The following TNKS variants were observed in gnomAD, a reference collection of about 807,000 sequenced individuals.
TNKS encodes the protein poly [ADP-ribose] polymerase tankyrase-1.
A neutral mutation model predicts 135.8 loss-of-function variants in TNKS; 72 were observed. The observed-to-expected ratio is 0.53, with a 90% CI of 0.44 to 0.64. The LOEUF (loss-of-function observed/expected upper bound fraction) is 0.64, where lower values mean the gene tolerates loss of function less well. Ranked by LOEUF, TNKS falls within the 30% of genes least tolerant of loss-of-function variation. The probability of loss-of-function intolerance (pLI) is 0.00; values close to 1 mark genes in which losing one functional copy is unlikely to be tolerated. For synonymous variants in TNKS, 849 were observed against 649.3 expected, an observed-to-expected ratio of 1.31 and a Z score of -4.68; for missense variants, 1,769 against 1,674.0, an observed-to-expected ratio of 1.06 and a Z score of -0.99.
Position 9,659,264 on chromosome 8 carries a change from C to G in TNKS, c.995-20687C>G, listed in dbSNP as rs202047776. Among the ~76,000 whole-genome samples, 13 of 152,304 alleles carry G rather than the reference C, an allele frequency of 8.5e-5. No individual in the cohort carries two copies. The East Asian group carries it at 2.3e-3, about 27-fold the overall frequency. On this transcript the variant is annotated intron_variant, in intron 3 of 26. Coordinates refer to ENST00000310430, the MANE Select transcript of TNKS (RefSeq NM_003747.3). ...TAGACATCTACAGAACTCTCCACCC[C>G]AAATCAACAGAATATACGTTCTTTT...
At chr8:9,721,905 T>C (rs1804904047) in intron 12 of TNKS, among the ~76,000 whole-genome samples, 1 of 151,920 alleles carries the variant, frequency 6.6e-6, no homozygotes, top group South Asian at 2.1e-4. Context: ...GTTAAAAAAT[T>C]AGCCGGGTGT....
At chr8:9,694,726 C>T (rs927666059) in intron 5 of TNKS, among the ~76,000 whole-genome samples, 5 of 147,962 alleles carry the variant, frequency 3.4e-5, no homozygotes, top group East Asian at 2.0e-4. Flanking sequence ...CACCCCACTG[C>T]GCTCCAGCCT....
At chr8:9,631,895 A>G (rs1800305478) in intron 3 of TNKS, among the ~76,000 whole-genome samples, 1 of 152,154 alleles carries the variant, frequency 6.6e-6, no homozygotes, top group African/African-American at 2.4e-5. Flanking sequence ...TTACTCATTT[A>G]CAAACCGTAT....
In TNKS at chr8:9,751,270, T is replaced by C. The variant is rs535198263; in HGVS notation, c.2833-339T>C. On this transcript the variant is annotated intron_variant, in intron 18 of 26. Coordinates refer to ENST00000310430, the MANE Select transcript of TNKS (RefSeq NM_003747.3). ...GTTAATTGTACATGAAATTATTAAG[T>C]GTGAAGTAAATAACCAGATTATAGC... Among the ~76,000 whole-genome samples the C allele has an allele frequency of 4.0e-4, 61 of 152,366 alleles. 1 individual carries two copies. The Middle Eastern group carries it at 0.01, about 25-fold the overall frequency.
chr8:9,648,919 A>G (rs1488736550), intron 3 of TNKS, among the ~76,000 whole-genome samples: 1 of 151,898 alleles, frequency 6.6e-6, no homozygotes, highest in Non-Finnish European at 1.5e-5. Context: ...AAGTTATTAC[A>G]GGATTGTATA....
chr8:9,691,416 A>C (rs1803262214), intron 5 of TNKS, among the ~76,000 whole-genome samples: 1 of 152,208 alleles, frequency 6.6e-6, no homozygotes. Context: ...AGAATGCTAA[A>C]GTTGTCAGAA....
At chr8:9,743,016 A>G (rs1806049242) in intron 17 of TNKS, among the ~76,000 whole-genome samples, 1 of 152,116 alleles carries the variant, frequency 6.6e-6, no homozygotes, top group South Asian at 2.1e-4. Context: ...TTGGCTGGAT[A>G]TTTTAATGAA....
Position 9,682,721 on chromosome 8 carries a change from G to C in TNKS, c.1107+1921G>C, listed in dbSNP as rs1334557811. On this transcript the variant is annotated intron_variant, in intron 5 of 26. Transcript: ENST00000310430. Reference sequence around the variant, plus strand: ...CTTGATAAACATAATTTTATCCTCTGAGTGAGAAAAACATCTACCCTTTGC... The same window carrying C: ...CTTGATAAACATAATTTTATCCTCTCAGTGAGAAAAACATCTACCCTTTGC... Among the ~76,000 whole-genome samples the C allele has an allele frequency of 2.0e-5, 3 of 152,024 alleles. No homozygotes were observed. In the East Asian group the frequency reaches 5.8e-4, roughly 29 times the overall value.
rs748740142 is a variant in TNKS, at chr8:9,556,203, C to G, written c.264C>G (p.Ser88Arg). 4 of 1,614,136 alleles carry G rather than the reference C, an allele frequency of 2.5e-6. No individual in the cohort carries two copies. Among genetic ancestry groups the G allele is most frequent in the African/African-American group, 1.3e-5 (1 of 75,072 alleles). The change falls in exon 1 of 27, where the codon AGC becomes AGG. Residue 88 changes from serine (S) to arginine (R), a missense_variant. Physicochemically the swap from Ser to Arg is moderately radical, Grantham distance 110. Coordinates refer to ENST00000310430, the MANE Select transcript of TNKS (RefSeq NM_003747.3). ...PRSPDPVDGT[S>R]CCSTTSTICT... ...CCCCGGACCCGGTTGACGGTACCAGCTGTTGCAGTACCACCAGCACAATCT... is the reference window on the plus strand; with the variant it reads ...CCCCGGACCCGGTTGACGGTACCAGGTGTTGCAGTACCACCAGCACAATCT...
chr8:9,768,550 T>C (rs1414431799), intron 25 of TNKS, among the ~76,000 whole-genome samples: 1 of 152,254 alleles, frequency 6.6e-6, no homozygotes. Context: ...GTGAGCAGAC[T>C]TGAGCCAGCT....
rs1250501153 is a variant in TNKS, at chr8:9,612,345, A to G, written c.899-3237A>G. Among the ~76,000 whole-genome samples the G allele has an allele frequency of 2.0e-5, 3 of 152,228 alleles. No homozygotes were observed. In the East Asian group the frequency reaches 5.8e-4, roughly 29 times the overall value. On this transcript the variant is annotated intron_variant, in intron 2 of 26. Transcript: ENST00000310430. ...TCTTATCTCAATGTAGATGGATTGT[A>G]AACAGTTCTGGGAATCGAATTTTAT...
intron 2 of TNKS, among the ~76,000 whole-genome samples, chr8:9,598,705 A>C (rs920346767): frequency 9.2e-6 from 1 of 108,172 alleles, no homozygotes; most frequent in African/African-American, 3.4e-5. Context: ...TGTCTAAAAT[A>C]TGTGTGTGTG....
chr8:9,774,618 C>G (rs568984078), intron 26 of TNKS, among the ~76,000 whole-genome samples: 2 of 152,274 alleles, frequency 1.3e-5, no homozygotes, highest in East Asian at 3.9e-4. Flanking sequence ...CCCTTAATCC[C>G]TCTGGACTGT....
At chr8:9,664,964 A>G (rs934837738) in intron 3 of TNKS, among the ~76,000 whole-genome samples, 10 of 152,324 alleles carry the variant, frequency 6.6e-5, no homozygotes, top group South Asian at 2.1e-4. Flanking sequence ...AAATACTTCT[A>G]TGCATTAAGC....
At chr8:9,774,328 A>T (rs1585459318) in intron 26 of TNKS, among the ~76,000 whole-genome samples, 1 of 152,352 alleles carries the variant, frequency 6.6e-6, no homozygotes. Flanking sequence ...TTCCAAACAT[A>T]CAGAATCATT....
At chr8:9,573,021 TTA>T (rs1211819308) in intron 1 of TNKS, among the ~76,000 whole-genome samples, 1 of 143,460 alleles carries the variant, frequency 7.0e-6, no homozygotes, top group Non-Finnish European at 1.5e-5. Flanking sequence ...AAAGTAATAT[TTA>T]TGTTATATGT....
intron 22 of TNKS, among the ~76,000 whole-genome samples, chr8:9,763,487 G>T (rs1377422261): frequency 2.0e-5 from 3 of 152,044 alleles, no homozygotes; most frequent in Non-Finnish European, 2.9e-5. Context: ...AGATTTTCTT[G>T]AATCTCATGC....
chr8:9,716,167 CATA>C (rs1009971651), intron 11 of TNKS, among the ~76,000 whole-genome samples: 47 of 152,122 alleles, frequency 3.1e-4, no homozygotes, highest in African/African-American at 1.1e-3. Flanking sequence ...GATATTGTGA[CATA>C]ATAATTGACA....
chr8:9,578,964 T>G (rs891856026), intron 1 of TNKS, among the ~76,000 whole-genome samples: 1 of 152,236 alleles, frequency 6.6e-6, no homozygotes, highest in Non-Finnish European at 1.5e-5. Context: ...GCCATTGTTT[T>G]CTTCTCCGTT....
Sources: allele counts gnomAD v4.1 joint callset (sites outside exome capture counted in the v4.1 genomes callset), GRCh38; gene constraint gnomAD v4.1.1; transcripts MANE v1.5; gene names NCBI Gene and HGNC (gene_info 2026-07-23, HGNC 2026-07-21).